Variants in SMG6 observed in about 807,000 individuals in gnomAD.
SMG6 encodes telomerase-binding protein EST1A.
A neutral mutation model predicts 142.2 loss-of-function variants in SMG6; 66 were observed. That is an observed-to-expected ratio of 0.46 (90% CI 0.38 to 0.57). SMG6 has a LOEUF of 0.57. Ranked by LOEUF, SMG6 falls within the 20% of genes least tolerant of loss-of-function variation. The probability of loss-of-function intolerance (pLI) is 0.00; values close to 1 mark genes in which losing one functional copy is unlikely to be tolerated. For missense variants in SMG6, 1,793 were observed against 1,832.0 expected, an observed-to-expected ratio of 0.98 and a Z score of 0.39; for synonymous variants, 779 against 702.4, an observed-to-expected ratio of 1.11 and a Z score of -1.72.
intron 8 of SMG6, among the ~76,000 whole-genome samples, chr17:2,257,832 G>A (rs928476661): frequency 3.3e-5 from 5 of 151,140 alleles, no homozygotes; most frequent in Admixed American, 1.3e-4. Context: ...ACCAAATGGC[G>A]AAACCCCATC....
intron 15 of SMG6, among the ~76,000 whole-genome samples, chr17:2,070,097 G>A (rs1037602902): frequency 8.5e-5 from 13 of 152,168 alleles, no homozygotes; most frequent in Admixed American, 4.6e-4. Context: ...CACCAAGCAC[G>A]TGGCCCAGCG....
At chr17:2,211,933 C>G (rs2072877610) in intron 10 of SMG6, among the ~76,000 whole-genome samples, 1 of 152,146 alleles carries the variant, frequency 6.6e-6, no homozygotes, top group African/African-American at 2.4e-5. Context: ...ATCACAGACT[C>G]CCCAAGAGCC....
chr17:2,163,382 G>A (rs944900584), intron 13 of SMG6, among the ~76,000 whole-genome samples: 20 of 148,654 alleles, frequency 1.3e-4, no homozygotes, highest in African/African-American at 4.7e-4. Context: ...GAGATGCTGT[G>A]TTTCCCAGGC....
At position 2,299,975 on chromosome 17, in the gene SMG6, T is replaced by C. The variant is rs199769589; in HGVS notation, c.778A>G (p.Ser260Gly). Residue 260 changes from serine to glycine, a missense_variant, in exon 2 of 19, where the codon AGC becomes GGC. This residue lies in a region of SMG6 where 1,597 missense variants were observed against 1,584.6 expected (regional missense o/e 1.01). Transcript: ENST00000263073. The surrounding 1 kb of genome is among the most constrained non-coding windows in gnomAD (Gnocchi z 4.3). ...RRNRYRTRST[S>G]SAGSNNSAEG... is the part of the protein sequence containing the mutation. ...GCGCTGTTGTTGCTGCCAGCTGAGCTGGTGCTGCGCGTGCGGTAGCGATTC... is the reference window on the plus strand; with the variant it reads ...GCGCTGTTGTTGCTGCCAGCTGAGCCGGTGCTGCGCGTGCGGTAGCGATTC... 4.3e-6 allele frequency: 7 copies of C among 1,614,010 alleles called. No individual in the cohort carries two copies. Among genetic ancestry groups the C allele is most frequent in the Non-Finnish European group, 5.9e-6 (7 of 1,180,042 alleles).
chr17:2,148,783 C>T (rs2070742569), intron 13 of SMG6, among the ~76,000 whole-genome samples: 1 of 151,148 alleles, frequency 6.6e-6, no homozygotes, highest in Non-Finnish European at 1.5e-5. Flanking sequence ...TGCCTGAACC[C>T]AGAAAACTGA....
intron 13 of SMG6, among the ~76,000 whole-genome samples, chr17:2,118,522 G>C (rs569363072): frequency 3.3e-4 from 50 of 151,964 alleles, no homozygotes; most frequent in African/African-American, 1.2e-3. Context: ...CTGGGTGTAA[G>C]AGTGAGACTC....
intron 13 of SMG6, among the ~76,000 whole-genome samples, chr17:2,089,460 T>C (rs182578711): frequency 5.4e-4 from 82 of 152,230 alleles, no homozygotes; most frequent in African/African-American, 2.0e-3. Flanking sequence ...TTGTCAAGAA[T>C]TCCCAAGTTA....
At chr17:2,250,716 C>A (rs2074028006) in intron 8 of SMG6, among the ~76,000 whole-genome samples, 1 of 152,086 alleles carries the variant, frequency 6.6e-6, no homozygotes, top group East Asian at 1.9e-4. Context: ...AACTTTCTTG[C>A]ATTTTAGAAA....
In SMG6 at chr17:2,300,487, T is replaced by C. The variant is rs1420771934; in HGVS notation, c.266A>G (p.Asn89Ser). ...GACATCTTTAACGGGCTGTGTACCA[T>C]TTTCAACAGCAGAGCAATCTCGGTC... is the stretch of plus-strand genomic sequence containing the variant. Reference protein sequence around the residue: ...VNDRDCSAVENGTQPVKDVCK... With the variant: ...VNDRDCSAVESGTQPVKDVCK... Residue 89 changes from asparagine to serine, a missense_variant, in exon 2 of 19, where the codon AAT (asparagine) becomes AGT (serine). Around this residue, in one of 3 missense-constraint regions of SMG6, gnomAD observed 1,597 missense variants for 1,584.6 expected, o/e 1.01. Transcript: ENST00000263073. 2 of 1,614,098 alleles carry C rather than the reference T, an allele frequency of 1.2e-6. No individual in the cohort carries two copies. The highest frequency in any genetic ancestry group is 1.7e-6 in the Non-Finnish European group (2 of 1,180,038).
At chr17:2,162,431 G>A (rs1234609573) in intron 13 of SMG6, among the ~76,000 whole-genome samples, 1 of 149,538 alleles carries the variant, frequency 6.7e-6, no homozygotes, top group South Asian at 2.1e-4. Flanking sequence ...GGAGAATGGT[G>A]TGAACCCAGG....
At chr17:2,296,984 A>G (rs2075154903) in intron 4 of SMG6, among the ~76,000 whole-genome samples, 1 of 150,908 alleles carries the variant, frequency 6.6e-6, no homozygotes, top group Non-Finnish European at 1.5e-5. Context: ...CCTGGGTGAC[A>G]TGAATGAAAC....
At chr17:2,232,254 T>C (rs879566870) in intron 10 of SMG6, among the ~76,000 whole-genome samples, 1 of 152,118 alleles carries the variant, frequency 6.6e-6, no homozygotes, top group Admixed American at 6.5e-5. Flanking sequence ...AAATTAAAAT[T>C]CTTGGAGTAC....
At chr17:2,290,428 C>T (rs971760301) in intron 6 of SMG6, among the ~76,000 whole-genome samples, 2 of 152,330 alleles carry the variant, frequency 1.3e-5, no homozygotes, top group African/African-American at 2.4e-5. Flanking sequence ...TAAATCTATA[C>T]ACGAGCCTTA....
At chr17:2,177,947 G>A (rs186101322) in intron 12 of SMG6, among the ~76,000 whole-genome samples, 1 of 152,262 alleles carries the variant, frequency 6.6e-6, no homozygotes, top group African/African-American at 2.4e-5. Context: ...TCCACGCAGG[G>A]GTCAGAGGCT....
At chr17:2,174,426 G>C (rs1300417835) in intron 12 of SMG6, among the ~76,000 whole-genome samples, 1 of 152,200 alleles carries the variant, frequency 6.6e-6, no homozygotes, top group East Asian at 1.9e-4. Context: ...TGGAGCAGAG[G>C]TATGGGAACT....
intron 13 of SMG6, among the ~76,000 whole-genome samples, chr17:2,162,876 G>A (rs932153846): frequency 6.6e-6 from 1 of 152,142 alleles, no homozygotes; most frequent in African/African-American, 2.4e-5. Context: ...CTGTGGCCCA[G>A]GCTGGAGTGC....
intron 6 of SMG6, among the ~76,000 whole-genome samples, chr17:2,286,108 G>T (rs1041201743): frequency 6.6e-6 from 1 of 152,076 alleles, no homozygotes; most frequent in Non-Finnish European, 1.5e-5. Flanking sequence ...TATACACAGG[G>T]TTAAAAGAAA....
Position 2,065,720 on chromosome 17 carries a change from C to T in SMG6, c.3836-41G>A, listed in dbSNP as rs1468923383. The T allele has an allele frequency of 2.0e-6, 3 of 1,534,240 alleles. No homozygotes were observed. The African/African-American group carries it at 4.1e-5, about 21-fold the overall frequency. The stretch of plus-strand genomic sequence containing the variant: ...CCCACAAGGTATCAGCCTCAGCAAT[C>T]AGCTTTCATCCTAGGCCTCTGTCCA... On this transcript the variant is annotated intron_variant, in intron 16 of 18. Transcript: ENST00000263073.
At chr17:2,221,621 T>C (rs1421998456) in intron 10 of SMG6, among the ~76,000 whole-genome samples, 1 of 152,246 alleles carries the variant, frequency 6.6e-6, no homozygotes, top group East Asian at 1.9e-4. Context: ...TTGGAAATTA[T>C]GCTTTCAAGA....
Sources: allele counts gnomAD v4.1 joint callset (sites outside exome capture counted in the v4.1 genomes callset), GRCh38; gene constraint gnomAD v4.1.1; regional missense constraint gnomAD v4.1.1; non-coding constraint Gnocchi (gnomAD v3.1); transcripts MANE v1.5; gene names NCBI Gene and HGNC (gene_info 2026-07-23, HGNC 2026-07-21).